The following EYS variants were observed in gnomAD, a reference collection of about 807,000 sequenced individuals.
EYS encodes EGF-like photoreceptor maintenance factor, also known as protein eyes shut homolog.
A neutral mutation model predicts 282.1 loss-of-function variants in EYS; 250 were observed. The observed-to-expected ratio is 0.89, with a 90% CI of 0.80 to 0.98. EYS has a LOEUF of 0.98. Among genes scored for constraint, EYS ranks in the 50% least tolerant of loss-of-function variants. The probability of loss-of-function intolerance (pLI) is 0.00; values close to 1 mark genes in which losing one functional copy is unlikely to be tolerated. For missense variants in EYS, 4,016 were observed against 3,709.0 expected (o/e 1.08, Z -2.15); for synonymous variants, 1,355 against 1,282.9 (o/e 1.06, Z -1.20).
At chr6:65,603,484 T>C (rs910876270) in intron 2 of EYS, among the ~76,000 whole-genome samples, 2 of 151,980 alleles carry the variant, frequency 1.3e-5, no homozygotes, top group Admixed American at 6.6e-5. Context: ...TGAAGAAAGA[T>C]AGTTTTATAA....
intron 26 of EYS, among the ~76,000 whole-genome samples, chr6:64,561,659 G>C (rs1765397224): frequency 6.6e-6 from 1 of 151,762 alleles, no homozygotes; most frequent in East Asian, 1.9e-4. Context: ...ATTACAAAAG[G>C]CTGTTCAAAT....
At chr6:64,154,410 A>G (rs1774845580) in intron 31 of EYS, among the ~76,000 whole-genome samples, 1 of 145,034 alleles carries the variant, frequency 6.9e-6, no homozygotes, top group Non-Finnish European at 1.5e-5. Flanking sequence ...ATTGTACTCC[A>G]GTCTGGGCAA....
chr6:64,069,745 C>G (rs1771505610), intron 32 of EYS, among the ~76,000 whole-genome samples: 2 of 152,084 alleles, frequency 1.3e-5, no homozygotes, highest in African/African-American at 4.8e-5. Context: ...CTAAGGACCC[C>G]TTAAGACACT....
intron 13 of EYS, among the ~76,000 whole-genome samples, chr6:64,999,488 G>A (rs1771388105): frequency 6.6e-6 from 1 of 152,126 alleles, no homozygotes; most frequent in Non-Finnish European, 1.5e-5. Flanking sequence ...GGTAGAGGAG[G>A]GCGTGGTCCC....
intron 14 of EYS, among the ~76,000 whole-genome samples, chr6:64,969,576 C>T (rs748935411): frequency 6.6e-6 from 1 of 152,074 alleles, no homozygotes. Flanking sequence ...CTTCTAAGGA[C>T]AGTAGAGCCC....
At chr6:65,074,365 T>C (rs1190568888) in intron 12 of EYS, among the ~76,000 whole-genome samples, 1 of 151,928 alleles carries the variant, frequency 6.6e-6, no homozygotes, top group Non-Finnish European at 1.5e-5. Flanking sequence ...CCTGAATGAA[T>C]TCCGTGCAGC....
At chr6:64,858,634 C>A (rs1005326285) in intron 19 of EYS, among the ~76,000 whole-genome samples, 1 of 151,856 alleles carries the variant, frequency 6.6e-6, no homozygotes, top group Non-Finnish European at 1.5e-5. Flanking sequence ...TCATGAAAAA[C>A]AACATGACTA....
intron 14 of EYS, among the ~76,000 whole-genome samples, chr6:64,992,241 T>C (rs72875953): frequency 0.068 from 10,268 of 151,884 alleles, 442 homozygotes; most frequent in East Asian, 0.13. Context: ...TAAAATAAAT[T>C]GGTATATAGT....
chr6:64,794,101 G>T (rs950060101), intron 22 of EYS, among the ~76,000 whole-genome samples: 17 of 151,988 alleles, frequency 1.1e-4, no homozygotes, highest in African/African-American at 3.4e-4. Context: ...AATATTTGTT[G>T]TTCTGTGATG....
chr6:64,266,197 G>A lies in EYS; in HGVS notation c.6192-35373C>T, dbSNP rs1767754440. On this transcript the variant is annotated intron_variant, in intron 30 of 42. Transcript: ENST00000503581. ...CTAATTTTACTTCACAAAATTATAA[G>A]TGTACAACACCCAGACACTAAATAC... 1.3e-5 allele frequency among the ~76,000 whole-genome samples: 2 copies of A among 152,174 alleles called. 1 individual carries two copies. Among genetic ancestry groups the A allele is most frequent in the South Asian group, 4.1e-4 (2 of 4,828 alleles).
intron 1 of EYS, among the ~76,000 whole-genome samples, chr6:65,702,013 C>A: frequency 6.6e-6 from 1 of 152,128 alleles, no homozygotes; most frequent in East Asian, 1.9e-4. Flanking sequence ...CTAATATCAA[C>A]ATGTTGTGCC....
intron 1 of EYS, among the ~76,000 whole-genome samples, chr6:65,675,025 G>A (rs1768528431): frequency 6.6e-6 from 1 of 151,954 alleles, no homozygotes; most frequent in African/African-American, 2.4e-5. Context: ...TTGAAATTAT[G>A]TGTTATCAGC....
intron 12 of EYS, among the ~76,000 whole-genome samples, chr6:65,119,955 G>A (rs1258509000): frequency 3.3e-5 from 5 of 151,226 alleles, no homozygotes; most frequent in Non-Finnish European, 5.9e-5. Flanking sequence ...GGCTAAGACC[G>A]TGAAACCTAC....
chr6:64,505,192 T>G (rs1028697193), intron 26 of EYS, among the ~76,000 whole-genome samples: 1 of 152,180 alleles, frequency 6.6e-6, no homozygotes, highest in Non-Finnish European at 1.5e-5. Flanking sequence ...ATATTGACAT[T>G]CCCATAACTT....
At chr6:65,258,661 T>C (rs886147273) in intron 12 of EYS, among the ~76,000 whole-genome samples, 1 of 152,092 alleles carries the variant, frequency 6.6e-6, no homozygotes, top group Non-Finnish European at 1.5e-5. Context: ...AGCAAGATTG[T>C]CTGGTTCTAG....
chr6:63,917,423 A>G (rs960762861), intron 35 of EYS, among the ~76,000 whole-genome samples: 1 of 152,240 alleles, frequency 6.6e-6, no homozygotes, highest in African/African-American at 2.4e-5. Flanking sequence ...TGTGTCCAAG[A>G]GTCTTTTAAA....
intron 19 of EYS, among the ~76,000 whole-genome samples, chr6:64,861,501 G>T (rs1001371424): frequency 1.3e-5 from 2 of 152,130 alleles, no homozygotes; most frequent in Non-Finnish European, 2.9e-5. Context: ...GGAAGGTGTG[G>T]CTCCTGACTG....
At chr6:64,442,688 A>T (rs1446608100) in intron 26 of EYS, among the ~76,000 whole-genome samples, 1 of 152,190 alleles carries the variant, frequency 6.6e-6, no homozygotes, top group Non-Finnish European at 1.5e-5. Context: ...GGGCCAAGGT[A>T]CAGCTTGAGC....
At chr6:63,862,104 C>G (rs1206644578) in intron 36 of EYS, among the ~76,000 whole-genome samples, 1 of 152,130 alleles carries the variant, frequency 6.6e-6, no homozygotes, top group Non-Finnish European at 1.5e-5. Context: ...CTTTAGGCCT[C>G]AGTACAAATA....
Sources: allele counts gnomAD v4.1 joint callset (sites outside exome capture counted in the v4.1 genomes callset), GRCh38; gene constraint gnomAD v4.1.1; transcripts MANE v1.5; gene names NCBI Gene and HGNC (gene_info 2026-07-23, HGNC 2026-07-21).